RAD17: variants seen among roughly 807,000 people sequenced by gnomAD.
RAD17 encodes cell cycle checkpoint protein RAD17.
RAD17 carries 31 observed loss-of-function variants against 81.5 expected under a neutral mutation model. The observed-to-expected ratio is 0.38, with a 90% confidence interval of 0.29 to 0.51. The LOEUF (loss-of-function observed/expected upper bound fraction) is 0.51. RAD17 is among the 20% of genes least tolerant of loss of function. The pLI, the probability that RAD17 is intolerant of heterozygous loss-of-function variation, is 0.88. For missense variants in RAD17, 681 were observed against 781.2 expected, an observed-to-expected ratio of 0.87 and a Z score of 1.53; for synonymous variants, 261 against 266.2, an observed-to-expected ratio of 0.98 and a Z score of 0.19.
At chr5:69,374,154 C>A in intron 5 of RAD17, 67 bp downstream of exon 5, 1 of 1,311,094 alleles carries the variant, frequency 7.6e-7, no homozygotes, top group Non-Finnish European at 1.1e-6. Context: ...AGATGGGAAG[C>A]AGAGGGATTT....
At chr5:69,390,389 G>A (rs996897665) in intron 12 of RAD17, among the ~76,000 whole-genome samples, 4 of 152,238 alleles carry the variant, frequency 2.6e-5, no homozygotes, top group Middle Eastern at 3.4e-3. Context: ...ACTCATGCCT[G>A]AAGCCAAGGT....
upstream of RAD17, chr5:69,369,307 C>A: frequency 1.4e-6 from 1 of 717,870 alleles, no homozygotes. Context: ...GCAACGCCCG[C>A]GAGGGTCGGC....
rs17236471 is a variant in RAD17 at position 69,396,217 on chromosome 5, A to G, written c.1423-180A>G. ...GGTTTACACATTTAATTTGATGGCT[A>G]TGTCCCAGTGGAATTTGCTTTAGAT... On this transcript the variant is annotated intron_variant, in intron 15 of 18. Transcript: ENST00000354868. Among the ~76,000 whole-genome samples, 1,522 of 152,290 alleles carry G rather than the reference A, an allele frequency of 1.0e-2. 39 individuals are homozygous for G. The highest frequency in any genetic ancestry group is 0.035 in the African/African-American group (1,459 of 41,558).
At chr5:69,403,835 C>G (rs573793863) in intron 17 of RAD17, among the ~76,000 whole-genome samples, 1 of 152,084 alleles carries the variant, frequency 6.6e-6, no homozygotes, top group South Asian at 2.1e-4. Flanking sequence ...GTAAGGGGAT[C>G]ACTTGAGCCC....
At chr5:69,391,324 C>T (rs778894771) in intron 12 of RAD17, among the ~76,000 whole-genome samples, 2 of 151,986 alleles carry the variant, frequency 1.3e-5, no homozygotes. Flanking sequence ...GCACATAACA[C>T]GATGAGAAAC....
rs766373681 is a variant in RAD17, at chr5:69,400,981, C to G, written c.1693+812C>G. On this transcript the variant is annotated intron_variant, in intron 17 of 18. Transcript: ENST00000354868. ...ATACAGAAATATATAAAGAGCCGAA[C>G]GTGGTGGCTTATGCCTGTAATCCCA... 4.4e-4 allele frequency among the ~76,000 whole-genome samples: 67 copies of G among 151,164 alleles called. 1 individual carries two copies. The highest frequency in any genetic ancestry group is 8.4e-4 in the Non-Finnish European group (57 of 67,894).
chr5:69,372,668 G>A (rs1763079724), intron 4 of RAD17, among the ~76,000 whole-genome samples: 1 of 151,926 alleles, frequency 6.6e-6, no homozygotes, highest in Admixed American at 6.6e-5. Context: ...CTGGAGTGCA[G>A]TGGGGTGATC....
At chr5:69,382,355 G>C (rs138822362) in intron 7 of RAD17, among the ~76,000 whole-genome samples, 4 of 152,174 alleles carry the variant, frequency 2.6e-5, no homozygotes, top group African/African-American at 9.7e-5. Context: ...TGAGGTGTGA[G>C]GATCACTTGA....
chr5:69,404,495 C>T (rs754870763), intron 17 of RAD17, among the ~76,000 whole-genome samples: 4 of 151,738 alleles, frequency 2.6e-5, no homozygotes, highest in Non-Finnish European at 5.9e-5. Flanking sequence ...TGGCCGGGCA[C>T]GGTGGCTCAC....
chr5:69,385,968 CAATA>C (rs1439796220), intron 8 of RAD17, 71 bp from the exon 9 acceptor site: 4 of 1,329,104 alleles, frequency 3.0e-6, no homozygotes, highest in Non-Finnish European at 2.0e-6. Flanking sequence ...TTGCCTACCT[CAATA>C]AATATAAATT....
intron 12 of RAD17, among the ~76,000 whole-genome samples, chr5:69,390,744 C>T (rs552737889): frequency 2.6e-5 from 4 of 150,958 alleles, no homozygotes; most frequent in African/African-American, 9.7e-5. Context: ...GCTTCAACCT[C>T]AAGAGTCTGA....
In RAD17 at chr5:69,389,023, T is replaced by C; in HGVS notation, c.895-11T>C. 7.3e-7 allele frequency: 1 copy of C among 1,379,058 alleles called. No homozygotes were observed. 85.4% of individuals were successfully genotyped at this position (1,379,058 alleles called of 1,614,324 possible). A position where few individuals can be genotyped will look rare whatever the true frequency, so the allele number is the denominator to read the frequency against. On this transcript the variant is annotated splice_polypyrimidine_tract_variant and intron_variant, in intron 11 of 18. Coordinates refer to ENST00000354868, the MANE Select transcript of RAD17 (RefSeq NM_133338.3). ...AAATACTTTTTTTTAAATTTAATTT[T>C]CTTATTTTAGAATGGAGGAAAAATT... is the stretch of plus-strand genomic sequence containing the variant.
Position 69,387,081 on chromosome 5 carries a change from C to T in RAD17, c.894+616C>T, listed in dbSNP as rs539544254. On this transcript the variant is annotated intron_variant, in intron 11 of 18. Transcript: ENST00000354868. Reference sequence around the variant, plus strand: ...CTGGGACTACAGGCTGGTACCACCACGCCTGGCTAATTTTTTAATTTTTTT... The same window carrying T: ...CTGGGACTACAGGCTGGTACCACCATGCCTGGCTAATTTTTTAATTTTTTT... Among the ~76,000 whole-genome samples the T allele has an allele frequency of 2.6e-4, 40 of 151,988 alleles. 1 individual carries two copies. In the South Asian group the frequency reaches 7.5e-3, roughly 28 times the overall value.
At chr5:69,369,414 G>C (rs559196957), upstream of RAD17, 2 of 1,599,032 alleles carry the variant, frequency 1.3e-6, no homozygotes, top group African/African-American at 1.4e-5. Flanking sequence ...AGAGCACTCT[G>C]CGCCCCCAGC....
rs17229915 is a variant in RAD17, at chr5:69,383,796, G to A, written c.509-1001G>A. ...CTCTGGGGTAGCTGGGACTACAGAC[G>A]TGTGTTCCTGCATCTGGCTTTTACT... On this transcript the variant is annotated intron_variant, in intron 7 of 18. Coordinates refer to ENST00000354868, the MANE Select transcript of RAD17 (RefSeq NM_133338.3). Among the ~76,000 whole-genome samples the A allele has an allele frequency of 1.6e-3, 242 of 152,274 alleles. 1 individual carries two copies. The highest frequency in any genetic ancestry group is 4.9e-3 in the African/African-American group (203 of 41,560).
chr5:69,387,526 A>T (rs1224609576), intron 11 of RAD17, among the ~76,000 whole-genome samples: 1 of 152,170 alleles, frequency 6.6e-6, no homozygotes, highest in Non-Finnish European at 1.5e-5. Flanking sequence ...TACAGGAAGC[A>T]ATTACTGTGA....
intron 6 of RAD17, among the ~76,000 whole-genome samples, chr5:69,379,750 C>G (rs1242963550): frequency 6.6e-6 from 1 of 152,142 alleles, no homozygotes. Flanking sequence ...GCACTGTCTT[C>G]CACCTCTATG....
chr5:69,414,260 A>G lies in RAD17; in HGVS notation c.1981A>G (p.Ile661Val), dbSNP rs752300723. The G allele has an allele frequency of 1.2e-6, 2 of 1,614,166 alleles. No homozygotes were observed. The highest frequency in any genetic ancestry group is 2.2e-5 in the East Asian group (1 of 44,886). ...CCAAGGAGACATGGAAGAAAACATA[A>G]TAATAGAAGACTACGAGAGTGATGG... ...SAQGDMEENI[I>V]IEDYESDGT The change falls in exon 19 of 19, where the codon ATA becomes GTA. Residue 661 changes from isoleucine (I) to valine (V), a missense_variant. Physicochemically the swap from Ile to Val is conservative, Grantham distance 29 (BLOSUM62 3). Transcript: ENST00000354868.
rs550222595 is a variant in RAD17, at chr5:69,407,562, GTTTTTTTTTT to G, written c.1694-2909_1694-2900del. ...CTTCTATATGTCAATCTATGTCCAA[GTTTTTTTTTT>G]TTTTTTTTTTTTTTTTTTTTTGGAG... On this transcript the variant is annotated intron_variant, in intron 17 of 18. Coordinates refer to ENST00000354868, the MANE Select transcript of RAD17 (RefSeq NM_133338.3). Among the ~76,000 whole-genome samples, 10 of 40,922 alleles carry G rather than the reference GTTTTTTTTTT, an allele frequency of 2.4e-4. 1 individual carries two copies. Among genetic ancestry groups the G allele is most frequent in the Middle Eastern group, 0.021 (1 of 48 alleles). The allele number at this position is 40,922 out of a possible 152,430, so 26.8% of individuals were successfully genotyped here. A position where few individuals can be genotyped will look rare whatever the true frequency, so the allele number is the denominator to read the frequency against.
Sources: gnomAD v4.1 joint callset for allele counts (sites outside exome capture counted in the v4.1 genomes callset) on GRCh38, gnomAD v4.1.1 for gene constraint, MANE v1.5 for transcripts, NCBI Gene and HGNC (gene_info 2026-07-23, HGNC 2026-07-21) for gene names.